The following TMEM131 variants were observed in gnomAD, a reference collection of about 807,000 sequenced individuals.
TMEM131 encodes the protein transmembrane protein 131, also known as 2610524E03Rik.
Under a neutral mutation model 211.6 loss-of-function variants are expected in TMEM131, and 66 were observed. The ratio of observed to expected loss-of-function variants is 0.31; its 90% confidence interval spans 0.26 to 0.38. TMEM131 has a LOEUF of 0.38. Ranked by LOEUF, TMEM131 falls within the 10% of genes least tolerant of loss-of-function variation. TMEM131 has a pLI of 1.00. For synonymous variants in TMEM131, 844 were observed against 841.3 expected (o/e 1.00, Z -0.06); for missense variants, 2,036 against 2,299.3 (o/e 0.89, Z 2.34).
At chr2:97,792,275 A>C in intron 31 of TMEM131, 111 bp downstream of exon 31, 1 of 874,352 alleles carries the variant, frequency 1.1e-6, no homozygotes. Context: ...TCTGAGCCAG[A>C]GGAACCTACT....
At chr2:97,777,261 C>T (rs1013539327) in intron 31 of TMEM131, among the ~76,000 whole-genome samples, 3 of 152,220 alleles carry the variant, frequency 2.0e-5, no homozygotes, top group Admixed American at 6.5e-5. Flanking sequence ...CCAGTCTGTA[C>T]GGGTCATAAT....
intron 26 of TMEM131, 71 bp from the exon 27 acceptor site, chr2:97,797,057 C>G: frequency 6.7e-7 from 1 of 1,481,764 alleles, no homozygotes; most frequent in African/African-American, 1.4e-5. Context: ...GCAATTTCTA[C>G]TGTTATTTTA....
rs937633774 is a variant in TMEM131, at chr2:97,871,064, G to A, written c.360-11637C>T. 3.9e-5 allele frequency among the ~76,000 whole-genome samples: 6 copies of A among 152,042 alleles called. No homozygotes were observed. The South Asian group carries it at 8.3e-4, about 21-fold the overall frequency. On this transcript the variant is annotated intron_variant, in intron 4 of 40. Transcript: ENST00000186436. ...TATTTTTAGCAATAGTCTATTCAACGTCCATTTTTTTTATAGCCATGAAGT... is the reference window on the plus strand; with the variant it reads ...TATTTTTAGCAATAGTCTATTCAACATCCATTTTTTTTATAGCCATGAAGT...
intron 8 of TMEM131, among the ~76,000 whole-genome samples, chr2:97,836,241 A>C (rs1488854058): frequency 6.6e-6 from 1 of 152,244 alleles, no homozygotes; most frequent in African/African-American, 2.4e-5. Flanking sequence ...AACATTCTAA[A>C]AACATAATCT....
intron 1 of TMEM131, among the ~76,000 whole-genome samples, chr2:97,969,037 T>TGTGC (rs768068128): frequency 2.0e-5 from 3 of 150,876 alleles, no homozygotes; most frequent in Non-Finnish European, 4.4e-5. Flanking sequence ...GAGCCATAAT[T>TGTGC]GTGCCACTCA....
rs1192956357 is a variant in TMEM131, at chr2:97,805,610, A to G, written c.2149T>C (p.Phe717Leu). 2 of 1,611,602 alleles carry G rather than the reference A, an allele frequency of 1.2e-6. No homozygotes were observed. The highest frequency in any genetic ancestry group is 2.2e-5 in the East Asian group (1 of 44,800). ...TTGCCCCGTAATCGTTTATAGTAAAATCGCACATCTTCTGACAAAGATCGT... is the reference window on the plus strand; with the variant it reads ...TTGCCCCGTAATCGTTTATAGTAAAGTCGCACATCTTCTGACAAAGATCGT... ...QIRSLSEDVR[F>L]YYKRLRGNKE... Residue 717 changes from phenylalanine to leucine, a missense_variant, in exon 20 of 41, where the codon TTT becomes CTT. Coordinates refer to ENST00000186436, the MANE Select transcript of TMEM131 (RefSeq NM_015348.2).
chr2:97,841,701 T>C, intron 7 of TMEM131, 114 bp downstream of exon 7: 7 of 1,266,860 alleles, frequency 5.5e-6, no homozygotes, highest in Admixed American at 6.8e-5. Flanking sequence ...CTCAATACAC[T>C]ATAAAACCCT....
At chr2:97,862,813 G>A (rs1674122180) in intron 4 of TMEM131, among the ~76,000 whole-genome samples, 1 of 152,056 alleles carries the variant, frequency 6.6e-6, no homozygotes, top group Non-Finnish European at 1.5e-5. Flanking sequence ...GGGGTAGAAA[G>A]TTTATTTAAA....
chr2:97,951,190 A>T (rs980615259), intron 1 of TMEM131, among the ~76,000 whole-genome samples: 1 of 152,190 alleles, frequency 6.6e-6, no homozygotes, highest in African/African-American at 2.4e-5. Flanking sequence ...AAGTTAGAAA[A>T]ACATGGAGTC....
chr2:97,834,433 A>AC (rs1348326635), intron 10 of TMEM131, among the ~76,000 whole-genome samples, 188 bp downstream of exon 10: 2 of 152,050 alleles, frequency 1.3e-5, no homozygotes, highest in East Asian at 3.8e-4. Flanking sequence ...AATGCCACCC[A>AC]CCCCTCAGCG....
intron 1 of TMEM131, among the ~76,000 whole-genome samples, chr2:97,977,814 G>A (rs1228145036): frequency 4.6e-5 from 7 of 152,112 alleles, no homozygotes; most frequent in South Asian, 2.1e-4. Flanking sequence ...TGGGCCAGGC[G>A]TGGTGGCTCA....
chr2:97,833,332 A>T, intron 11 of TMEM131, 33 bp downstream of exon 11: 1 of 997,210 alleles, frequency 1.0e-6, no homozygotes, highest in Non-Finnish European at 1.5e-6. Flanking sequence ...CAAAGAATAT[A>T]TAAATTAGGG....
chr2:97,807,466 T>C (rs1416623848), intron 19 of TMEM131, among the ~76,000 whole-genome samples: 2 of 152,194 alleles, frequency 1.3e-5, no homozygotes, highest in African/African-American at 4.8e-5. Context: ...TGCCATGTGA[T>C]CTTTGCACAT....
At chr2:97,994,306 T>C (rs951918701) in intron 1 of TMEM131, among the ~76,000 whole-genome samples, 2 of 152,362 alleles carry the variant, frequency 1.3e-5, no homozygotes, top group Non-Finnish European at 2.9e-5. Context: ...ATCCTTTCTA[T>C]AGACGACAAT....
chr2:97,963,663 G>A (rs568952522), intron 1 of TMEM131, among the ~76,000 whole-genome samples: 2 of 152,242 alleles, frequency 1.3e-5, no homozygotes, highest in African/African-American at 4.8e-5. Context: ...TGCAGTAAGC[G>A]GAGATCGCGC....
chr2:97,872,804 T>G (rs891601581), intron 4 of TMEM131, among the ~76,000 whole-genome samples: 3 of 152,162 alleles, frequency 2.0e-5, no homozygotes, highest in African/African-American at 7.2e-5. Context: ...AGCACAAAAC[T>G]GGGCGGCCGT....
At chr2:97,864,217 C>T (rs1473178531) in intron 4 of TMEM131, among the ~76,000 whole-genome samples, 1 of 151,932 alleles carries the variant, frequency 6.6e-6, no homozygotes, top group African/African-American at 2.4e-5. Context: ...AGGATGGTTA[C>T]CAGAGGCTGG....
At position 97,760,854 on chromosome 2, in the gene TMEM131, G is replaced by A. The variant is rs772859863; in HGVS notation, c.4950C>T (p.Leu1650=). The A allele has an allele frequency of 6.2e-7, 1 of 1,614,034 alleles. No homozygotes were observed. The highest frequency in any genetic ancestry group is 2.2e-5 in the East Asian group (1 of 44,868). ...SKHKLTKAAS[L]PGKNGNPTFA... ...AAGTGGGGTTGCCGTTCTTGCCCGG[G>A]AGCGAGGCTGCCTTTGTCAACTTGT... Residue 1650 remains leucine (L), a synonymous_variant, in exon 37 of 41, where the codon CTC becomes CTT. Transcript: ENST00000186436.
rs562952188 is a variant in TMEM131, at chr2:97,820,914, TACA to T, written c.1075-2196_1075-2194del. Among the ~76,000 whole-genome samples the T allele has an allele frequency of 5.1e-4, 77 of 152,140 alleles. 1 individual carries two copies. Among genetic ancestry groups the T allele is most frequent in the Admixed American group, 4.1e-3 (62 of 15,282 alleles). On this transcript the variant is annotated intron_variant, in intron 11 of 40. Transcript: ENST00000186436. Reference sequence around the variant, plus strand: ...GGTTGTTTTCTGAGATCCCATCATCTACAACATTTTGTGAGTCAGTTAATTTTG... The same window carrying T: ...GGTTGTTTTCTGAGATCCCATCATCTACATTTTGTGAGTCAGTTAATTTTG...
Sources: allele counts gnomAD v4.1 joint callset (sites outside exome capture counted in the v4.1 genomes callset), GRCh38; gene constraint gnomAD v4.1.1; transcripts MANE v1.5; gene names NCBI Gene and HGNC (gene_info 2026-07-23, HGNC 2026-07-21).